Variants in PCDH15 observed in about 807,000 individuals in gnomAD.
PCDH15 encodes the protein protocadherin related 15.
In PCDH15, 129 loss-of-function variants were observed where a neutral mutation model predicts 178.5. The ratio of observed to expected loss-of-function variants is 0.72; its 90% CI spans 0.63 to 0.84. The LOEUF (loss-of-function observed/expected upper bound fraction) is 0.84, where lower values mean the gene tolerates loss of function less well. Among genes scored for constraint, PCDH15 ranks in the 40% least tolerant of loss-of-function variants. PCDH15 has a pLI of 0.00. For synonymous variants in PCDH15, 800 were observed against 732.0 expected (o/e 1.09, Z -1.50); for missense variants, 2,230 against 2,099.9 (o/e 1.06, Z -1.21).
intron 1 of PCDH15, among the ~76,000 whole-genome samples, chr10:55,211,915 T>A (rs1380695650): frequency 6.6e-6 from 1 of 151,592 alleles, no homozygotes; most frequent in East Asian, 2.0e-4. Context: ...CAGCTTCCCT[T>A]TTAACAAAAA....
At chr10:54,123,787 A>G (rs1056577180) in intron 15 of PCDH15, among the ~76,000 whole-genome samples, 1 of 152,188 alleles carries the variant, frequency 6.6e-6, no homozygotes, top group Non-Finnish European at 1.5e-5. Context: ...TATAAAGAAA[A>G]TGTGGCACAT....
rs139104747 is a variant in PCDH15 at position 54,132,949 on chromosome 10, G to A, written c.1843C>T (p.Arg615Cys). ...AGGCTATACATCAGCTGTGGGAAGC[G>A]AGGAGGGCTTTGATTATTTGGTGGA... is the stretch of plus-strand genomic sequence containing the variant. Reference protein sequence around the residue: ...VLPPNNQSPPRFPQLMYSLEI... With the variant: ...VLPPNNQSPPCFPQLMYSLEI... Residue 615 changes from arginine to cysteine, a missense_variant, in exon 15 of 38, where the codon CGC becomes TGC. Coordinates refer to ENST00000644397, the MANE Select transcript of PCDH15 (RefSeq NM_001384140.1). 16 of 1,613,942 alleles carry A rather than the reference G, an allele frequency of 9.9e-6. No individual in the cohort carries two copies. Among genetic ancestry groups the A allele is most frequent in the South Asian group, 5.5e-5 (5 of 91,076 alleles).
chr10:55,560,567 A>C (rs1294250591), intron 2 of PCDH15, among the ~76,000 whole-genome samples: 2 of 151,942 alleles, frequency 1.3e-5, no homozygotes, highest in Non-Finnish European at 2.9e-5. Context: ...CATATATCCA[A>C]AAGTAAGCAT....
chr10:54,804,927 T>TATATATATATATATATA (rs1952750730), upstream of PCDH15, among the ~76,000 whole-genome samples: 2 of 50,848 alleles, frequency 3.9e-5, no homozygotes, highest in East Asian at 1.3e-3. Context: ...TCATAGTAGA[T>TATATATATATATATATA]TATATATATA....
Position 55,424,131 on chromosome 10 carries a change from GAT to G in PCDH15, c.-156+203492_-156+203493del, listed in dbSNP as rs772171666. Among the ~76,000 whole-genome samples the G allele has an allele frequency of 3.5e-4, 53 of 152,098 alleles. 1 individual carries two copies. The highest frequency in any genetic ancestry group is 2.9e-3 in the Admixed American group (44 of 15,256). On this transcript the variant is annotated intron_variant, in intron 2 of 5. Transcript: ENST00000613346. ...TCCACAAGAAAATGTATGAGAAGAT[GAT>G]AGTTATTCCTTCTCCAAAAAGGAAC... is the stretch of plus-strand genomic sequence containing the variant.
At chr10:55,247,409 A>C (rs1564929518) in intron 1 of PCDH15, among the ~76,000 whole-genome samples, 1 of 152,160 alleles carries the variant, frequency 6.6e-6, no homozygotes, top group Non-Finnish European at 1.5e-5. Flanking sequence ...AAGACAGCCA[A>C]ATTTATATCT....
intron 2 of PCDH15, among the ~76,000 whole-genome samples, chr10:55,510,081 A>G (rs1840845469): frequency 6.6e-6 from 1 of 151,866 alleles, no homozygotes; most frequent in Non-Finnish European, 1.5e-5. Context: ...AACAACAGAG[A>G]CTTTTTTTTG....
chr10:54,043,018 G>T, intron 18 of PCDH15, among the ~76,000 whole-genome samples: 1 of 152,070 alleles, frequency 6.6e-6, no homozygotes, highest in East Asian at 1.9e-4. Flanking sequence ...TAATTTGCTA[G>T]CCAAATGGCA....
chr10:55,296,985 A>G (rs942673873), intron 1 of PCDH15, among the ~76,000 whole-genome samples: 4 of 152,134 alleles, frequency 2.6e-5, no homozygotes, highest in African/African-American at 9.6e-5. Flanking sequence ...TACTTTTAAA[A>G]AAAGTTTGCT....
intron 2 of PCDH15, among the ~76,000 whole-genome samples, chr10:55,480,257 G>A (rs1367683723): frequency 1.3e-5 from 2 of 151,486 alleles, no homozygotes; most frequent in Admixed American, 1.3e-4. Flanking sequence ...TCTAGATATA[G>A]GATCATGTCA....
At chr10:55,333,195 A>C (rs1348581106) in intron 2 of PCDH15, among the ~76,000 whole-genome samples, 3 of 152,168 alleles carry the variant, frequency 2.0e-5, no homozygotes, top group Admixed American at 6.6e-5. Context: ...CTCAGAATTT[A>C]TGTGATTACC....
At chr10:54,456,251 A>AG (rs771538783) in intron 3 of PCDH15, among the ~76,000 whole-genome samples, 4 of 152,224 alleles carry the variant, frequency 2.6e-5, no homozygotes, top group East Asian at 1.9e-4. Flanking sequence ...AAGCAGCTGA[A>AG]GGGGGGGCAT....
At chr10:55,255,899 T>G (rs1460582334) in intron 1 of PCDH15, among the ~76,000 whole-genome samples, 1 of 152,236 alleles carries the variant, frequency 6.6e-6, no homozygotes, top group Non-Finnish European at 1.5e-5. Flanking sequence ...TTCTTTAGGT[T>G]GCCTGTTCAC....
At chr10:54,183,833 T>G (rs2048239046) in intron 12 of PCDH15, among the ~76,000 whole-genome samples, 1 of 152,180 alleles carries the variant, frequency 6.6e-6, no homozygotes, top group Non-Finnish European at 1.5e-5. Context: ...CCAGGCATAT[T>G]TTAAATAATC....
chr10:55,087,994 C>A (rs1424537419), intron 2 of PCDH15, among the ~76,000 whole-genome samples: 1 of 152,054 alleles, frequency 6.6e-6, no homozygotes. Context: ...AGTTAATTAT[C>A]TACACATGTT....
chr10:54,088,017 G>C (rs4508110), intron 16 of PCDH15, among the ~76,000 whole-genome samples: 1 of 152,102 alleles, frequency 6.6e-6, no homozygotes, highest in Non-Finnish European at 1.5e-5. Flanking sequence ...GGCTTCCCCA[G>C]AAGCAGAGCA....
intron 2 of PCDH15, among the ~76,000 whole-genome samples, chr10:55,425,487 T>C (rs1838730816): frequency 1.3e-5 from 2 of 152,124 alleles, no homozygotes; most frequent in Admixed American, 6.5e-5. Context: ...GAAAACATAC[T>C]ATTTATGTAA....
chr10:55,386,580 T>C (rs1437197754), intron 2 of PCDH15, among the ~76,000 whole-genome samples: 1 of 152,038 alleles, frequency 6.6e-6, no homozygotes, highest in African/African-American at 2.4e-5. Flanking sequence ...GGATGTCCCT[T>C]TCATTTCACT....
At chr10:55,288,511 T>C (rs927284881) in intron 1 of PCDH15, among the ~76,000 whole-genome samples, 1 of 151,958 alleles carries the variant, frequency 6.6e-6, no homozygotes, top group Admixed American at 6.6e-5. Context: ...AAACCCTGTA[T>C]CTTTTAACTA....
Sources: allele counts gnomAD v4.1 joint callset (sites outside exome capture counted in the v4.1 genomes callset), GRCh38; gene constraint gnomAD v4.1.1; transcripts MANE v1.5; gene names NCBI Gene and HGNC (gene_info 2026-07-23, HGNC 2026-07-21).